Variants in ITSN1 observed in about 807,000 individuals in gnomAD.
The protein encoded by ITSN1 is intersectin 1, also known as intersectin-1.
Under a neutral mutation model 239.8 loss-of-function variants are expected in ITSN1, and 58 were observed. The observed-to-expected ratio is 0.24, with a 90% CI of 0.20 to 0.30. ITSN1 has a LOEUF of 0.30. Among genes scored for constraint, ITSN1 ranks in the 10% least tolerant of loss-of-function variants. The pLI is 1.00. For synonymous variants in ITSN1, 780 were observed against 770.8 expected, an observed-to-expected ratio of 1.01 and a Z score of -0.20; for missense variants, 1,558 against 2,103.3, an observed-to-expected ratio of 0.74 and a Z score of 5.07.
chr21:33,768,909 T>A (rs1387576650), intron 11 of ITSN1, among the ~76,000 whole-genome samples: 1 of 152,258 alleles, frequency 6.6e-6, no homozygotes, highest in Non-Finnish European at 1.5e-5. Context: ...ACATGGTTCA[T>A]ACTTTCTAGA....
chr21:33,712,568 T>C (rs897048898), intron 1 of ITSN1, among the ~76,000 whole-genome samples: 2 of 152,202 alleles, frequency 1.3e-5, no homozygotes, highest in Admixed American at 1.3e-4. Flanking sequence ...TTCCCCACAC[T>C]TTACAGCCCA....
chr21:33,896,915 C>G lies in ITSN1; in HGVS notation c.*8615C>G, dbSNP rs1986815782. On this transcript the variant is annotated 3_prime_UTR_variant, in exon 40 of 40. Coordinates refer to ENST00000381318, the MANE Select transcript of ITSN1 (RefSeq NM_003024.3). ...GACAGAAATTGCAAACTCATCTCAC[C>G]TGGATTTGATTGAGTCACCTTGAAT... is the stretch of plus-strand genomic sequence containing the variant. 1 of 152,306 alleles carries G rather than the reference C, an allele frequency of 6.6e-6. No homozygotes were observed. Among genetic ancestry groups the G allele is most frequent in the South Asian group, 2.1e-4 (1 of 4,818 alleles). 9.4% of individuals were successfully genotyped at this position (152,306 alleles called of 1,614,324 possible). A position where few individuals can be genotyped will look rare whatever the true frequency, so the allele number is the denominator to read the frequency against.
intron 1 of ITSN1, among the ~76,000 whole-genome samples, chr21:33,713,959 T>C (rs2092493978): frequency 6.8e-6 from 1 of 147,608 alleles, no homozygotes; most frequent in African/African-American, 2.5e-5. Context: ...CTCAGCCTCC[T>C]GAGTAGCTGG....
At chr21:33,744,445 C>G (rs1480288174) in intron 5 of ITSN1, among the ~76,000 whole-genome samples, 1 of 152,118 alleles carries the variant, frequency 6.6e-6, no homozygotes, top group Non-Finnish European at 1.5e-5. Context: ...ACCACACCCC[C>G]CATTCTCTTC....
chr21:33,760,354 A>G (rs2068224373), intron 8 of ITSN1, among the ~76,000 whole-genome samples: 1 of 152,204 alleles, frequency 6.6e-6, no homozygotes, highest in African/African-American at 2.4e-5. Flanking sequence ...ACTCTCTTTC[A>G]TGACCTCCAT....
chr21:33,866,601 C>G (rs927171557), intron 32 of ITSN1, among the ~76,000 whole-genome samples: 1 of 152,150 alleles, frequency 6.6e-6, no homozygotes, highest in African/African-American at 2.4e-5. Context: ...GAGCAGGTCC[C>G]GGTCCCTGGA....
intron 4 of ITSN1, among the ~76,000 whole-genome samples, chr21:33,724,879 T>A (rs2065727348): frequency 6.6e-6 from 1 of 152,152 alleles, no homozygotes; most frequent in South Asian, 2.1e-4. Flanking sequence ...GGTCTCGAAC[T>A]CCTGGACTCA....
chr21:33,751,225 A>G (rs1209126688), intron 6 of ITSN1, among the ~76,000 whole-genome samples: 2 of 152,216 alleles, frequency 1.3e-5, no homozygotes, highest in African/African-American at 4.8e-5. Flanking sequence ...AAGCAAATCC[A>G]CACACTCTGA....
intron 33 of ITSN1, among the ~76,000 whole-genome samples, chr21:33,874,256 G>C (rs1489245859): frequency 1.3e-5 from 2 of 151,734 alleles, no homozygotes; most frequent in Non-Finnish European, 2.9e-5. Flanking sequence ...TCCAGCTCCG[G>C]AGCTGGCATT....
chr21:33,803,372 G>A (rs2072161404), intron 20 of ITSN1, among the ~76,000 whole-genome samples: 1 of 152,132 alleles, frequency 6.6e-6, no homozygotes. Flanking sequence ...AAATATGTGT[G>A]TACATGGATG....
In ITSN1 at chr21:33,851,778, C is replaced by CTTT. The variant is rs35567402; in HGVS notation, c.3662-4940_3662-4938dup. Among the ~76,000 whole-genome samples the CTTT allele has an allele frequency of 3.0e-3, 197 of 66,214 alleles. 25 individuals carry two copies. Among genetic ancestry groups the CTTT allele is most frequent in the Middle Eastern group, 0.042 (2 of 48 alleles). 43.4% of individuals were successfully genotyped at this position (66,214 alleles called of 152,430 possible). A position where few individuals can be genotyped will look rare whatever the true frequency, so the allele number is the denominator to read the frequency against. On this transcript the variant is annotated intron_variant, in intron 29 of 39. Transcript: ENST00000381318. ...TTTTTCTTTTCTTTTCTTTTCTTTCCTTTTTTTTTTTTTTTTTTTTCCTGA... is the reference window on the plus strand; with the variant it reads ...TTTTTCTTTTCTTTTCTTTTCTTTCCTTTTTTTTTTTTTTTTTTTTTTTCCTGA...
intron 4 of ITSN1, among the ~76,000 whole-genome samples, chr21:33,726,723 T>A (rs1472683383): frequency 6.6e-6 from 1 of 152,120 alleles, no homozygotes; most frequent in Non-Finnish European, 1.5e-5. Context: ...GGTTTTGTCA[T>A]GTTGCCCAGG....
chr21:33,656,404 C>A (rs1197299711), intron 1 of ITSN1, among the ~76,000 whole-genome samples: 1 of 152,186 alleles, frequency 6.6e-6, no homozygotes, highest in Non-Finnish European at 1.5e-5. Context: ...TCAGTGGTGT[C>A]ATTTCCTTTC....
At chr21:33,661,617 T>G (rs1367697894) in intron 1 of ITSN1, among the ~76,000 whole-genome samples, 2 of 152,200 alleles carry the variant, frequency 1.3e-5, no homozygotes, top group Admixed American at 6.5e-5. Flanking sequence ...ATGGTTTGGC[T>G]GTGTCCCCAC....
At chr21:33,853,825 A>G (rs1978793689) in intron 29 of ITSN1, among the ~76,000 whole-genome samples, 1 of 152,146 alleles carries the variant, frequency 6.6e-6, no homozygotes, top group African/African-American at 2.4e-5. Context: ...CTGGAGTGGG[A>G]TGCAGGGCAA....
intron 25 of ITSN1, among the ~76,000 whole-genome samples, chr21:33,825,700 C>T (rs1005792608): frequency 1.3e-5 from 2 of 152,184 alleles, no homozygotes; most frequent in African/African-American, 4.8e-5. Flanking sequence ...GGAAAGTTAA[C>T]TGGTCACTGG....
chr21:33,771,344 T>A (rs1205065148), intron 11 of ITSN1, among the ~76,000 whole-genome samples: 4 of 151,964 alleles, frequency 2.6e-5, no homozygotes, highest in African/African-American at 9.7e-5. Flanking sequence ...CAATGAGTGC[T>A]CCCCTGGCCG....
intron 5 of ITSN1, among the ~76,000 whole-genome samples, chr21:33,748,222 C>G (rs1029822115): frequency 6.6e-6 from 1 of 151,814 alleles, no homozygotes; most frequent in African/African-American, 2.4e-5. Context: ...ATCCCAGCAC[C>G]GTGAGAGGCT....
At chr21:33,732,596 C>T (rs963837597) in intron 4 of ITSN1, among the ~76,000 whole-genome samples, 4 of 151,968 alleles carry the variant, frequency 2.6e-5, no homozygotes, top group Non-Finnish European at 5.9e-5. Flanking sequence ...GGCAGTAAGA[C>T]CAATAAAAAA....
Sources: gnomAD v4.1 joint callset for allele counts (sites outside exome capture counted in the v4.1 genomes callset) on GRCh38, gnomAD v4.1.1 for gene constraint, MANE v1.5 for transcripts, NCBI Gene and HGNC (gene_info 2026-07-23, HGNC 2026-07-21) for gene names.